CTTNBP2NL: variants seen among roughly 807,000 people sequenced by gnomAD.
The protein encoded by CTTNBP2NL is CTTNBP2 N-terminal like, also known as CTTNBP2 N-terminal-like protein.
In CTTNBP2NL, 16 loss-of-function variants were observed where a neutral mutation model predicts 32.5. The ratio of observed to expected loss-of-function variants is 0.49; its 90% CI spans 0.33 to 0.75. The LOEUF is 0.75. Among genes scored for constraint, CTTNBP2NL ranks in the 30% least tolerant of loss-of-function variants. The pLI is 0.02. For missense variants in CTTNBP2NL, 645 were observed against 756.0 expected, an observed-to-expected ratio of 0.85 and a Z score of 1.72; for synonymous variants, 298 against 289.4, an observed-to-expected ratio of 1.03 and a Z score of -0.30.
At position 112,449,095 on chromosome 1, in the gene CTTNBP2NL, G is replaced by A. The variant is rs1179898915; in HGVS notation, c.253G>A (p.Val85Ile). The A allele has an allele frequency of 3.1e-6, 5 of 1,613,846 alleles. No homozygotes were observed. Among genetic ancestry groups the A allele is most frequent in the East Asian group, 2.2e-5 (1 of 44,864 alleles). Residue 85 changes from valine to isoleucine, a missense_variant, in exon 4 of 6, where the codon GTT becomes ATT. Physicochemically the swap from Val to Ile is conservative, Grantham distance 29. Coordinates refer to ENST00000271277, the MANE Select transcript of CTTNBP2NL (RefSeq NM_018704.3). ...CACAAATCCACTCTCTATTCTTAAG[G>A]TTGTGATGAAGCAGTGCAAGAACAT... Reference protein sequence around the residue: ...VCTNPLSILKVVMKQCKNMQE... With the variant: ...VCTNPLSILKIVMKQCKNMQE...
At chr1:112,412,926 G>A (rs143765039) in intron 2 of CTTNBP2NL, among the ~76,000 whole-genome samples, 1 of 152,042 alleles carries the variant, frequency 6.6e-6, no homozygotes, top group African/African-American at 2.4e-5. Flanking sequence ...GCCTAGCCGA[G>A]TTGGGACATA....
intron 3 of CTTNBP2NL, among the ~76,000 whole-genome samples, chr1:112,426,001 G>GTGTGTGTGTC (rs1553224983): frequency 1.4e-5 from 1 of 72,576 alleles, no homozygotes; most frequent in African/African-American, 3.4e-5. Flanking sequence ...GTGTGTGTGT[G>GTGTGTGTGTC]TGTCTGTCTG....
chr1:112,415,676 C>A (rs899085809), intron 2 of CTTNBP2NL, among the ~76,000 whole-genome samples: 9 of 152,112 alleles, frequency 5.9e-5, no homozygotes, highest in Middle Eastern at 3.4e-3. Context: ...CCTGCCTCAG[C>A]CTCCCGAGTA....
At chr1:112,430,005 T>C (rs1048949398) in intron 3 of CTTNBP2NL, among the ~76,000 whole-genome samples, 30 of 152,118 alleles carry the variant, frequency 2.0e-4, no homozygotes, top group Non-Finnish European at 1.5e-4. Context: ...GGTAGAGTAC[T>C]CTAGCAGAAA....
At chr1:112,407,968 C>A (rs906369397) in intron 1 of CTTNBP2NL, among the ~76,000 whole-genome samples, 1 of 150,658 alleles carries the variant, frequency 6.6e-6, no homozygotes, top group African/African-American at 2.4e-5. Flanking sequence ...CCTCAGCCTA[C>A]CAAGTAGCTG....
At chr1:112,399,551 A>C (rs1182279715) in intron 1 of CTTNBP2NL, among the ~76,000 whole-genome samples, 1 of 152,166 alleles carries the variant, frequency 6.6e-6, no homozygotes, top group Non-Finnish European at 1.5e-5. Flanking sequence ...GTATCTTGGC[A>C]GAATCACATT....
intron 3 of CTTNBP2NL, among the ~76,000 whole-genome samples, chr1:112,420,163 T>C (rs1649182321): frequency 6.6e-6 from 1 of 150,502 alleles, no homozygotes; most frequent in African/African-American, 2.5e-5. Flanking sequence ...TTTTTTTTTT[T>C]GAGATGAAGT....
chr1:112,395,009 C>G (rs552757137), upstream of CTTNBP2NL, among the ~76,000 whole-genome samples: 1 of 152,336 alleles, frequency 6.6e-6, no homozygotes, highest in South Asian at 2.1e-4. Flanking sequence ...TTGTTTACTT[C>G]TTTCAGACTA....
At chr1:112,440,093 T>C (rs2101023378) in intron 3 of CTTNBP2NL, among the ~76,000 whole-genome samples, 1 of 152,328 alleles carries the variant, frequency 6.6e-6, no homozygotes, top group Non-Finnish European at 1.5e-5. Flanking sequence ...TCACGTTGCT[T>C]ATAATACACA....
At chr1:112,446,109 T>G (rs1650027956) in intron 3 of CTTNBP2NL, among the ~76,000 whole-genome samples, 1 of 151,982 alleles carries the variant, frequency 6.6e-6, no homozygotes, top group Admixed American at 6.6e-5. Context: ...GTTAGAAAAG[T>G]AGTATTTCAG....
chr1:112,433,606 C>T (rs1193455713), intron 3 of CTTNBP2NL, among the ~76,000 whole-genome samples: 1 of 152,128 alleles, frequency 6.6e-6, no homozygotes, highest in East Asian at 1.9e-4. Flanking sequence ...AACAAACCAA[C>T]ATAATAATAA....
At chr1:112,416,111 A>G in intron 2 of CTTNBP2NL, 46 bp from the exon 3 acceptor site, 1 of 988,070 alleles carries the variant, frequency 1.0e-6, no homozygotes, top group Non-Finnish European at 1.6e-6. Flanking sequence ...ATTGTATCAA[A>G]TTAACTATGT....
chr1:112,421,639 A>G (rs1197642560), intron 3 of CTTNBP2NL, among the ~76,000 whole-genome samples: 3 of 151,358 alleles, frequency 2.0e-5, no homozygotes, highest in African/African-American at 7.3e-5. Context: ...AAAGGAGAAG[A>G]AGAAAGAAAT....
At chr1:112,431,002 A>G (rs1649553163) in intron 3 of CTTNBP2NL, among the ~76,000 whole-genome samples, 1 of 152,236 alleles carries the variant, frequency 6.6e-6, no homozygotes, top group African/African-American at 2.4e-5. Flanking sequence ...TGCCAGAAGA[A>G]TAAGCAAATT....
upstream of CTTNBP2NL, among the ~76,000 whole-genome samples, chr1:112,395,094 T>C (rs151218244): frequency 2.5e-3 from 375 of 152,382 alleles, 3 homozygotes; most frequent in Middle Eastern, 0.034. Flanking sequence ...CCTTGGGGAC[T>C]GTCTGCCTAG....
chr1:112,443,461 A>C (rs1363133451), intron 3 of CTTNBP2NL, among the ~76,000 whole-genome samples: 3 of 152,012 alleles, frequency 2.0e-5, no homozygotes, highest in Admixed American at 1.3e-4. Flanking sequence ...TCATCTGCCC[A>C]CCTTGGCCTC....
At chr1:112,421,214 G>T (rs1649217251) in intron 3 of CTTNBP2NL, among the ~76,000 whole-genome samples, 1 of 151,790 alleles carries the variant, frequency 6.6e-6, no homozygotes, top group African/African-American at 2.4e-5. Flanking sequence ...CGAGGCAGGA[G>T]GCATTATGTT....
chr1:112,451,788 AAAAC>A (rs1312513456), intron 4 of CTTNBP2NL, among the ~76,000 whole-genome samples: 5 of 146,860 alleles, frequency 3.4e-5, no homozygotes, highest in South Asian at 2.2e-4. Context: ...AAAAAAACAC[AAAAC>A]AAACAAACAA....
chr1:112,396,017 G>A (rs984335951), upstream of CTTNBP2NL, among the ~76,000 whole-genome samples: 16 of 152,242 alleles, frequency 1.1e-4, no homozygotes, highest in Non-Finnish European at 1.8e-4. Flanking sequence ...CTTCCTCCCG[G>A]AAGTGACGCG....
Sources: allele counts gnomAD v4.1 joint callset (sites outside exome capture counted in the v4.1 genomes callset), GRCh38; gene constraint gnomAD v4.1.1; transcripts MANE v1.5; gene names NCBI Gene and HGNC (gene_info 2026-07-23, HGNC 2026-07-21).